Variants in PDE3A observed in about 807,000 individuals in gnomAD.
The protein encoded by PDE3A is phosphodiesterase 3A.
In PDE3A, 43 loss-of-function variants were observed where a neutral mutation model predicts 98.3. That is an observed-to-expected ratio of 0.44 (90% CI 0.34 to 0.56). The LOEUF (loss-of-function observed/expected upper bound fraction) is 0.56. PDE3A is among the 20% of genes least tolerant of loss of function. The probability of loss-of-function intolerance (pLI) is 0.01; values close to 1 mark genes in which losing one functional copy is unlikely to be tolerated. For missense variants in PDE3A, 1,427 were observed against 1,440.7 expected (o/e 0.99, Z 0.15); for synonymous variants, 663 against 567.9 (o/e 1.17, Z -2.38).
intron 2 of PDE3A, among the ~76,000 whole-genome samples, chr12:20,603,890 G>A (rs1271605407): frequency 6.6e-6 from 1 of 152,112 alleles, no homozygotes; most frequent in Non-Finnish European, 1.5e-5. Flanking sequence ...AATAAAATGA[G>A]CCAGGCATGG....
intron 1 of PDE3A, among the ~76,000 whole-genome samples, chr12:20,451,140 T>C (rs977806898): frequency 6.6e-6 from 1 of 152,208 alleles, no homozygotes; most frequent in Admixed American, 6.5e-5. Flanking sequence ...TGCAAAAGGC[T>C]CTGGAAGACA....
At chr12:20,515,349 G>A (rs1388523006) in intron 1 of PDE3A, among the ~76,000 whole-genome samples, 1 of 152,200 alleles carries the variant, frequency 6.6e-6, no homozygotes, top group Non-Finnish European at 1.5e-5. Flanking sequence ...GTTTCTGAAT[G>A]CATGACCTCA....
At chr12:20,381,413 A>C (rs1314876767) in intron 1 of PDE3A, among the ~76,000 whole-genome samples, 1 of 151,878 alleles carries the variant, frequency 6.6e-6, no homozygotes, top group Admixed American at 6.6e-5. Flanking sequence ...TTTTCAAAAA[A>C]TATTTTATGG....
At chr12:20,469,734 C>A (rs1565559281) in intron 1 of PDE3A, among the ~76,000 whole-genome samples, 1 of 152,040 alleles carries the variant, frequency 6.6e-6, no homozygotes, top group African/African-American at 2.4e-5. Flanking sequence ...TTAGGTACAA[C>A]ATATATTTTT....
rs112797277 is a variant in PDE3A, at chr12:20,625,161, C to T, written c.1540+3750C>T. Among the ~76,000 whole-genome samples, 18 of 152,262 alleles carry T rather than the reference C, an allele frequency of 1.2e-4. 1 individual carries two copies. The highest frequency in any genetic ancestry group is 4.3e-4 in the African/African-American group (18 of 41,554). Reference sequence around the variant, plus strand: ...ATGTTAATTTTAAATAGCTGAAACACAAATTATTATGCAGTTACTAATATA... The same window carrying T: ...ATGTTAATTTTAAATAGCTGAAACATAAATTATTATGCAGTTACTAATATA... On this transcript the variant is annotated intron_variant, in intron 5 of 15. Coordinates refer to ENST00000359062, the MANE Select transcript of PDE3A (RefSeq NM_000921.5).
chr12:20,616,957 T>G (rs1318890622), intron 4 of PDE3A, among the ~76,000 whole-genome samples: 1 of 152,280 alleles, frequency 6.6e-6, no homozygotes, highest in East Asian at 1.9e-4. Flanking sequence ...AAGGTTATAT[T>G]AACATCTAAA....
At position 20,492,002 on chromosome 12, in the gene PDE3A, G is replaced by T. The variant is rs112727547; in HGVS notation, c.961-64658G>T. Among the ~76,000 whole-genome samples the T allele has an allele frequency of 4.0e-3, 610 of 151,672 alleles. 5 individuals carry two copies. The highest frequency in any genetic ancestry group is 0.014 in the African/African-American group (560 of 41,408). On this transcript the variant is annotated intron_variant, in intron 1 of 15. Transcript: ENST00000359062. ...TTAGTACAGAGAGTTTTTTTTTGAGGCAGAGTCTCGCCGTGTTGCCCAGGC... is the reference window on the plus strand; with the variant it reads ...TTAGTACAGAGAGTTTTTTTTTGAGTCAGAGTCTCGCCGTGTTGCCCAGGC...
At chr12:20,466,623 A>G (rs1028571200) in intron 1 of PDE3A, among the ~76,000 whole-genome samples, 3 of 152,226 alleles carry the variant, frequency 2.0e-5, no homozygotes, top group Admixed American at 2.0e-4. Flanking sequence ...AGTGTCTCAT[A>G]TAAAAGGCAA....
At position 20,369,449 on chromosome 12, in the gene PDE3A, C is replaced by G. The variant is rs1250149766; in HGVS notation, c.165C>G (p.Leu55=). Reference sequence around the variant, plus strand: ...GGGGAGACCTGGTGCTGCAGCCGCTCCGGAGCTCTCGGAAACTTTCCTCCG... The same window carrying G: ...GGGGAGACCTGGTGCTGCAGCCGCTGCGGAGCTCTCGGAAACTTTCCTCCG... ...GCWGDLVLQP[L]RSSRKLSSAL... is the part of the protein sequence containing the mutation. The change falls in exon 1 of 16, where the codon CTC becomes CTG. Residue 55 remains leucine, a synonymous_variant. Transcript: ENST00000359062. The G allele has an allele frequency of 6.4e-7, 1 of 1,555,706 alleles. No individual in the cohort carries two copies. Among genetic ancestry groups the G allele is most frequent in the Non-Finnish European group, 8.7e-7 (1 of 1,150,488 alleles).
At chr12:20,637,709 C>T (rs1477408944) in intron 9 of PDE3A, among the ~76,000 whole-genome samples, 1 of 152,114 alleles carries the variant, frequency 6.6e-6, no homozygotes, top group East Asian at 1.9e-4. Flanking sequence ...ATGAAAAACA[C>T]ATCACATAGA....
chr12:20,535,405 G>A (rs1368033642), intron 1 of PDE3A, among the ~76,000 whole-genome samples: 1 of 152,152 alleles, frequency 6.6e-6, no homozygotes, highest in Non-Finnish European at 1.5e-5. Flanking sequence ...TAGAGAGTAA[G>A]AGTTAGTGTT....
chr12:20,463,521 C>T (rs1022981772), intron 1 of PDE3A, among the ~76,000 whole-genome samples: 2 of 151,968 alleles, frequency 1.3e-5, no homozygotes, highest in African/African-American at 4.8e-5. Context: ...GTGATTTATT[C>T]CTAGATGAAG....
At chr12:20,634,417 G>C (rs1944451979) in intron 7 of PDE3A, among the ~76,000 whole-genome samples, 1 of 152,128 alleles carries the variant, frequency 6.6e-6, no homozygotes, top group Non-Finnish European at 1.5e-5. Flanking sequence ...GATGAGGAAG[G>C]AAGCCACAGG....
At chr12:20,374,628 C>T (rs898804891) in intron 1 of PDE3A, among the ~76,000 whole-genome samples, 12 of 151,874 alleles carry the variant, frequency 7.9e-5, no homozygotes, top group African/African-American at 2.4e-4. Flanking sequence ...CTCTTCAGAG[C>T]GCTAGTTGAA....
At chr12:20,554,357 G>A (rs1161916942) in intron 1 of PDE3A, among the ~76,000 whole-genome samples, 2 of 14,042 alleles carry the variant, frequency 1.4e-4, no homozygotes, top group Admixed American at 3.0e-3. Flanking sequence ...GTTTTTCACA[G>A]ATAAAAAAAA....
intron 1 of PDE3A, among the ~76,000 whole-genome samples, chr12:20,493,586 T>TTC (rs902795704): frequency 3.3e-5 from 5 of 151,786 alleles, no homozygotes; most frequent in African/African-American, 1.2e-4. Context: ...TGTGCCTCAC[T>TTC]TCTCTCTCTC....
intron 2 of PDE3A, among the ~76,000 whole-genome samples, chr12:20,603,457 C>G (rs1943641161): frequency 6.6e-6 from 1 of 152,090 alleles, no homozygotes; most frequent in Non-Finnish European, 1.5e-5. Flanking sequence ...AAAATCAGGA[C>G]TATTATGAGT....
chr12:20,674,483 G>C (rs974057385), intron 15 of PDE3A, among the ~76,000 whole-genome samples: 2 of 152,070 alleles, frequency 1.3e-5, no homozygotes, highest in Non-Finnish European at 2.9e-5. Flanking sequence ...AGTATTTTTA[G>C]TTTTTATCAT....
At chr12:20,577,718 T>C (rs1021846439) in intron 2 of PDE3A, among the ~76,000 whole-genome samples, 5 of 152,208 alleles carry the variant, frequency 3.3e-5, no homozygotes, top group African/African-American at 1.2e-4. Context: ...GGATTACCTC[T>C]ACTATCTCTT....
Sources: allele counts gnomAD v4.1 joint callset (sites outside exome capture counted in the v4.1 genomes callset), GRCh38; gene constraint gnomAD v4.1.1; transcripts MANE v1.5; gene names NCBI Gene and HGNC (gene_info 2026-07-23, HGNC 2026-07-21).